Variants in PAX2 observed in about 807,000 individuals in gnomAD.
PAX2 encodes the protein paired box 2.
In PAX2, 9 loss-of-function variants were observed where a neutral mutation model predicts 41.7. That is an observed-to-expected ratio of 0.22 (90% CI 0.13 to 0.38). The LOEUF (loss-of-function observed/expected upper bound fraction) is 0.38. Ranked by LOEUF, PAX2 falls within the 10% of genes least tolerant of loss-of-function variation. The pLI, the probability that PAX2 is intolerant of heterozygous loss-of-function variation, is 1.00. For synonymous variants in PAX2, 221 were observed against 212.7 expected (o/e 1.04, Z -0.34); for missense variants, 418 against 531.6 (o/e 0.79, Z 2.10).
intron 7 of PAX2, among the ~76,000 whole-genome samples, chr10:100,816,296 G>C (rs1208257448): frequency 6.6e-6 from 1 of 152,226 alleles, no homozygotes; most frequent in Admixed American, 6.5e-5. Context: ...TGATTCGTCA[G>C]GTTACGGGAC....
At chr10:100,809,697 G>T (rs1277210726) in intron 7 of PAX2, among the ~76,000 whole-genome samples, 1 of 152,218 alleles carries the variant, frequency 6.6e-6, no homozygotes. Context: ...GGTGATCATG[G>T]CTTTGGGCTT....
intron 3 of PAX2, among the ~76,000 whole-genome samples, chr10:100,756,216 G>A (rs1845621379): frequency 1.3e-5 from 2 of 152,146 alleles, no homozygotes. Flanking sequence ...GTTCCTATGA[G>A]CCCACATGGG....
chr10:100,770,443 T>A (rs994725168), intron 3 of PAX2, among the ~76,000 whole-genome samples: 1 of 152,246 alleles, frequency 6.6e-6, no homozygotes, highest in African/African-American at 2.4e-5. Context: ...GGGCTTGGCA[T>A]GCACCACAGA....
At chr10:100,739,292 C>T in intron 1 of PAX2, among the ~76,000 whole-genome samples, 1 of 152,226 alleles carries the variant, frequency 6.6e-6, no homozygotes, top group Non-Finnish European at 1.5e-5. Flanking sequence ...TCTCCAGCCA[C>T]CTCGCAGCCT....
chr10:100,814,720 T>C (rs1429356367), intron 7 of PAX2, among the ~76,000 whole-genome samples: 2 of 152,242 alleles, frequency 1.3e-5, no homozygotes. Flanking sequence ...CTCCGTAGCT[T>C]CCCCATCCTG....
At position 100,748,050 on chromosome 10, in the gene PAX2, C is replaced by T. The variant is rs1432090670; in HGVS notation, c.44-1696C>T. On this transcript the variant is annotated intron_variant, in intron 1 of 9. Coordinates refer to ENST00000355243, the MANE Select transcript of PAX2 (RefSeq NM_000278.5). This position sits in a 1 kb window ranked among gnomAD's most constrained non-coding sequence, Gnocchi z 5.0. ...TGAGACACCGCAGCCCGAGTCGGTGCTGGCGGCCGTGGCGCATTCCAGGCC... is the reference window on the plus strand; with the variant it reads ...TGAGACACCGCAGCCCGAGTCGGTGTTGGCGGCCGTGGCGCATTCCAGGCC... 5.1e-6 allele frequency: 5 copies of T among 984,864 alleles called. No homozygotes were observed. In the African/African-American group the frequency reaches 7.0e-5, roughly 14 times the overall value. 61.0% of individuals were successfully genotyped at this position (984,864 alleles called of 1,614,324 possible).
intron 5 of PAX2, among the ~76,000 whole-genome samples, chr10:100,789,504 T>C (rs965684583): frequency 6.6e-6 from 1 of 152,152 alleles, no homozygotes; most frequent in African/African-American, 2.4e-5. Flanking sequence ...GACTCTCCCC[T>C]CCCTAGGAGA....
intron 3 of PAX2, among the ~76,000 whole-genome samples, chr10:100,757,627 G>A (rs1429337368): frequency 6.6e-6 from 1 of 152,222 alleles, no homozygotes; most frequent in Non-Finnish European, 1.5e-5. Flanking sequence ...GTCCCGCAGT[G>A]GGAGGCATGG....
At chr10:100,745,426 G>T (rs1354969985), upstream of PAX2, among the ~76,000 whole-genome samples, 1 of 146,494 alleles carries the variant, frequency 6.8e-6, no homozygotes, top group Admixed American at 6.8e-5. Flanking sequence ...GGCCCTCCTC[G>T]CCGAAGCTCG....
At chr10:100,799,810 T>C (rs1365548428) in intron 5 of PAX2, among the ~76,000 whole-genome samples, 3 of 103,050 alleles carry the variant, frequency 2.9e-5, no homozygotes, top group East Asian at 4.0e-4. Flanking sequence ...TTTTTTTTTT[T>C]CTGAGACAGA....
At chr10:100,765,906 C>A (rs1012190050) in intron 3 of PAX2, among the ~76,000 whole-genome samples, 4 of 131,714 alleles carry the variant, frequency 3.0e-5, no homozygotes, top group African/African-American at 1.3e-4. Context: ...ACTCAGAAAG[C>A]CTTTATATTT....
In PAX2 at chr10:100,748,123, G is replaced by C; in HGVS notation, c.44-1623G>C. 1.0e-6 allele frequency: 1 copy of C among 985,130 alleles called. No homozygotes were observed. The highest frequency in any genetic ancestry group is 1.2e-6 in the Non-Finnish European group (1 of 829,898). 61.0% of individuals were successfully genotyped at this position (985,130 alleles called of 1,614,324 possible). ...AGTCCCCCAGCCCTGGACTCCCGCC[G>C]TGTCCCCTTCCCATCCCCACCCCTT... On this transcript the variant is annotated intron_variant, in intron 1 of 9. Coordinates refer to ENST00000355243, the MANE Select transcript of PAX2 (RefSeq NM_000278.5). The surrounding 1 kb of genome is among the most constrained non-coding windows in gnomAD (Gnocchi z 5.0).
chr10:100,747,961 C>G, intron 1 of PAX2: 5 of 983,508 alleles, frequency 5.1e-6, no homozygotes, highest in Admixed American at 6.2e-5. Context: ...GGTTTCTGCA[C>G]GGCCAAGCAG....
intron 7 of PAX2, among the ~76,000 whole-genome samples, chr10:100,822,818 G>T (rs1485804959): frequency 6.6e-6 from 1 of 152,164 alleles, no homozygotes. Context: ...CAGGAGAGGT[G>T]ATAATCTTAA....
intron 1 of PAX2, among the ~76,000 whole-genome samples, chr10:100,738,311 T>C (rs752129584): frequency 2.6e-5 from 4 of 152,350 alleles, no homozygotes; most frequent in South Asian, 2.1e-4. Flanking sequence ...ACCTGCAGGA[T>C]TGATTGGCGG....
At chr10:100,804,271 T>TACACACACACACAC (rs10639967) in intron 5 of PAX2, among the ~76,000 whole-genome samples, 4,452 of 147,826 alleles carry the variant, frequency 0.03, 180 homozygotes, top group African/African-American at 0.084. Flanking sequence ...GTTCAGCCCC[T>TACACACACACACAC]ACACACACAC....
At chr10:100,818,920 T>C (rs1297365433) in intron 7 of PAX2, among the ~76,000 whole-genome samples, 2 of 152,208 alleles carry the variant, frequency 1.3e-5, no homozygotes, top group Admixed American at 6.5e-5. Context: ...AGACGTAATA[T>C]TTGGCCCCTC....
intron 5 of PAX2, among the ~76,000 whole-genome samples, chr10:100,788,600 C>T (rs544603751): frequency 6.6e-6 from 1 of 152,294 alleles, no homozygotes. Context: ...GGAGACAGGG[C>T]CTGAGTCTCT....
chr10:100,752,480 G>C (rs1268620290), intron 3 of PAX2, among the ~76,000 whole-genome samples: 1 of 152,204 alleles, frequency 6.6e-6, no homozygotes, highest in Non-Finnish European at 1.5e-5. Flanking sequence ...GAGCCATGTA[G>C]AGACTCAGTC....
Sources: gnomAD v4.1 joint callset for allele counts (sites outside exome capture counted in the v4.1 genomes callset) on GRCh38, gnomAD v4.1.1 for gene constraint, Gnocchi (gnomAD v3.1) non-coding constraint, MANE v1.5 for transcripts, NCBI Gene and HGNC (gene_info 2026-07-23, HGNC 2026-07-21) for gene names.